The following GALNT13 variants were observed in gnomAD, a reference collection of about 807,000 sequenced individuals.
GALNT13 encodes polypeptide N-acetylgalactosaminyltransferase 13.
In GALNT13, 28 loss-of-function variants were observed where a neutral mutation model predicts 64.2. The observed-to-expected ratio is 0.44, with a 90% CI of 0.32 to 0.60. The LOEUF (loss-of-function observed/expected upper bound fraction) is 0.60. Among genes scored for constraint, GALNT13 ranks in the 20% least tolerant of loss-of-function variants. The pLI, the probability that GALNT13 is intolerant of heterozygous loss-of-function variation, is 0.05. For missense variants in GALNT13, 577 were observed against 669.8 expected (o/e 0.86, Z 1.53); for synonymous variants, 214 against 224.6 (o/e 0.95, Z 0.42).
chr2:153,309,640 A>G, the GALNT13 span, among the ~76,000 whole-genome samples: 1 of 152,076 alleles, frequency 6.6e-6, no homozygotes, highest in Non-Finnish European at 1.5e-5. Flanking sequence ...ATCAGAGTTC[A>G]TAAGTTTCAT....
chr2:153,606,801 C>A, the GALNT13 span, among the ~76,000 whole-genome samples: 1 of 151,776 alleles, frequency 6.6e-6, no homozygotes, highest in Non-Finnish European at 1.5e-5. Context: ...CTCTCTCCTT[C>A]ACATTCTCTT....
intron 3 of GALNT13, among the ~76,000 whole-genome samples, chr2:154,035,694 T>C (rs1698620571): frequency 6.6e-6 from 1 of 152,038 alleles, no homozygotes; most frequent in African/African-American, 2.4e-5. Flanking sequence ...AGACCTCTGA[T>C]TAATATTTGT....
chr2:154,204,076 A>G (rs1000276589), intron 4 of GALNT13, among the ~76,000 whole-genome samples: 7 of 152,080 alleles, frequency 4.6e-5, no homozygotes, highest in Non-Finnish European at 1.0e-4. Flanking sequence ...ACAGGCCATA[A>G]TTCTGTTCTT....
the GALNT13 span, among the ~76,000 whole-genome samples, chr2:153,549,452 C>T: frequency 6.6e-6 from 1 of 152,134 alleles, no homozygotes; most frequent in Non-Finnish European, 1.5e-5. Flanking sequence ...TTCCTTTCTC[C>T]TTGAAACTGA....
chr2:154,417,655 G>T (rs1029423390), intron 11 of GALNT13, among the ~76,000 whole-genome samples: 5 of 151,672 alleles, frequency 3.3e-5, no homozygotes, highest in African/African-American at 1.2e-4. Flanking sequence ...GGGATTACAG[G>T]AACCCGCAAC....
the GALNT13 span, among the ~76,000 whole-genome samples, chr2:153,226,401 A>AT: frequency 6.6e-6 from 1 of 152,210 alleles, no homozygotes; most frequent in East Asian, 1.9e-4. Flanking sequence ...GTATGGAAAG[A>AT]TAAAAAAAAT....
the GALNT13 span, among the ~76,000 whole-genome samples, chr2:153,567,259 G>A: frequency 1.3e-5 from 2 of 152,208 alleles, no homozygotes; most frequent in South Asian, 2.1e-4. Flanking sequence ...GAAGGGCCAG[G>A]TTGAGATGGT....
the GALNT13 span, among the ~76,000 whole-genome samples, chr2:153,679,846 A>G: frequency 6.6e-6 from 1 of 151,886 alleles, no homozygotes; most frequent in Non-Finnish European, 1.5e-5. Flanking sequence ...TCCTCTCTCC[A>G]GAGGCCATCC....
the GALNT13 span, among the ~76,000 whole-genome samples, chr2:153,240,577 A>G: frequency 1.3e-5 from 2 of 152,118 alleles, no homozygotes; most frequent in African/African-American, 2.4e-5. Flanking sequence ...TGCCAACCCA[A>G]TGTGCATGGA....
rs567552657 is a variant in GALNT13 at position 154,148,611 on chromosome 2, T to C, written c.311+8106T>C. Among the ~76,000 whole-genome samples the C allele has an allele frequency of 2.5e-3, 382 of 152,048 alleles. 8 individuals are homozygous for C. In the East Asian group the frequency reaches 0.055, roughly 22 times the overall value. ...TGTTGTTTCCTGACTTTTTAATGAT[T>C]GCCATTCTAACTGGTGTGAGATGGT... On this transcript the variant is annotated intron_variant, in intron 4 of 12. Transcript: ENST00000392825.
chr2:153,825,232 C>T, the GALNT13 span, among the ~76,000 whole-genome samples: 1 of 152,118 alleles, frequency 6.6e-6, no homozygotes, highest in Admixed American at 6.6e-5. Context: ...CTAAAAGGCA[C>T]AGGACATCCC....
chr2:153,071,816 A>G, the GALNT13 span, among the ~76,000 whole-genome samples: 3 of 152,210 alleles, frequency 2.0e-5, no homozygotes, highest in South Asian at 2.1e-4. Context: ...CTCACTAGCT[A>G]AGAATGGTTT....
At chr2:153,320,304 A>G in the GALNT13 span, among the ~76,000 whole-genome samples, 4 of 152,210 alleles carry the variant, frequency 2.6e-5, no homozygotes, top group African/African-American at 9.6e-5. Context: ...ACAGTGAATC[A>G]ATTATCCACC....
At chr2:153,384,841 A>G in the GALNT13 span, among the ~76,000 whole-genome samples, 2 of 152,116 alleles carry the variant, frequency 1.3e-5, no homozygotes, top group African/African-American at 4.8e-5. Flanking sequence ...TATACAATTT[A>G]GGCACAGCAA....
the GALNT13 span, among the ~76,000 whole-genome samples, chr2:153,509,569 T>C: frequency 5.9e-5 from 9 of 152,266 alleles, no homozygotes; most frequent in Non-Finnish European, 1.2e-4. Context: ...ATAAATTAAC[T>C]GAAACTTCTT....
At chr2:154,288,953 G>T (rs912222142) in intron 8 of GALNT13, among the ~76,000 whole-genome samples, 1 of 152,230 alleles carries the variant, frequency 6.6e-6, no homozygotes, top group Admixed American at 6.5e-5. Context: ...GGGGGACTCT[G>T]TGTGGGGGCT....
the GALNT13 span, among the ~76,000 whole-genome samples, chr2:153,547,845 C>T: frequency 1.1e-4 from 17 of 152,136 alleles, no homozygotes; most frequent in African/African-American, 3.9e-4. Context: ...CTCTTAAAAG[C>T]ACTTACTCTT....
chr2:153,580,614 G>C, the GALNT13 span, among the ~76,000 whole-genome samples: 5 of 152,210 alleles, frequency 3.3e-5, no homozygotes, highest in Non-Finnish European at 7.4e-5. Flanking sequence ...AGAGAAGAAA[G>C]AAACAAAAAT....
At chr2:154,408,764 A>G (rs1699663001) in intron 10 of GALNT13, among the ~76,000 whole-genome samples, 1 of 152,016 alleles carries the variant, frequency 6.6e-6, no homozygotes, top group African/African-American at 2.4e-5. Context: ...GCCAATGCCA[A>G]TTCTGTTCAA....
Sources: gnomAD v4.1 joint callset for allele counts (sites outside exome capture counted in the v4.1 genomes callset) on GRCh38, gnomAD v4.1.1 for gene constraint, MANE v1.5 for transcripts, NCBI Gene and HGNC (gene_info 2026-07-23, HGNC 2026-07-21) for gene names.